Variants in GNG11 observed in about 807,000 individuals in gnomAD.
GNG11 encodes the protein G protein subunit gamma 11.
GNG11 carries 6 observed loss-of-function variants against 7.4 expected under a neutral mutation model. The observed-to-expected ratio is 0.81, with a 90% CI of 0.44 to 1.60. The LOEUF is 1.60. GNG11 is among the 40% of genes most tolerant of loss of function. The pLI, the probability that GNG11 is intolerant of heterozygous loss-of-function variation, is 0.01. For synonymous variants in GNG11, 31 were observed against 25.9 expected, an observed-to-expected ratio of 1.20 and a Z score of -0.60; for missense variants, 65 against 83.0, an observed-to-expected ratio of 0.78 and a Z score of 0.84.
intron 1 of GNG11, among the ~76,000 whole-genome samples, chr7:93,924,315 GA>G (rs1794649092): frequency 6.6e-6 from 1 of 152,182 alleles, no homozygotes; most frequent in Non-Finnish European, 1.5e-5. Context: ...GACCTCTTCT[GA>G]AACCTAATGA....
intron 1 of GNG11, among the ~76,000 whole-genome samples, chr7:93,924,430 A>G (rs928801864): frequency 6.6e-6 from 1 of 152,214 alleles, no homozygotes; most frequent in African/African-American, 2.4e-5. Context: ...TATCAACTCT[A>G]AAAATTCACT....
chr7:93,923,070 C>CTAGGAAAGGTCTTTGAATAGA (rs1794635947), intron 1 of GNG11, among the ~76,000 whole-genome samples: 1 of 152,132 alleles, frequency 6.6e-6, no homozygotes. Flanking sequence ...ATCCTGTAGA[C>CTAGGAAAGGTCTTTGAATAGA]TAGGAAAGGT....
intron 1 of GNG11, among the ~76,000 whole-genome samples, chr7:93,925,801 A>G (rs1470406691): frequency 6.6e-6 from 1 of 152,178 alleles, no homozygotes; most frequent in Non-Finnish European, 1.5e-5. Context: ...TATTTAATGC[A>G]GTGACTTTCA....
Position 93,921,991 on chromosome 7 carries a change from A to G in GNG11, c.-147A>G. ...CCCGGAGAAAGCCAAGCCCTCGGGG[A>G]GCTGGGGACCGCAGCAGGGCTGCAG... On this transcript the variant is annotated 5_prime_UTR_variant, in exon 1 of 2. Coordinates refer to ENST00000248564, the MANE Select transcript of GNG11 (RefSeq NM_004126.4). The G allele has an allele frequency of 2.0e-6, 1 of 489,326 alleles. No individual in the cohort carries two copies. 30.3% of individuals were successfully genotyped at this position (489,326 alleles called of 1,614,324 possible).
In GNG11 at chr7:93,926,564, AT is replaced by A. The variant is rs1410846862; in HGVS notation, c.*351del. 6.3e-6 allele frequency: 1 copy of A among 157,740 alleles called. No individual in the cohort carries two copies. Among genetic ancestry groups the A allele is most frequent in the Non-Finnish European group, 1.4e-5 (1 of 71,910 alleles). 9.8% of individuals were successfully genotyped at this position (157,740 alleles called of 1,614,324 possible). The stretch of plus-strand genomic sequence containing the variant: ...ACACTTTTCATGCATTAACTTTTAT[AT>A]TTCTCCCCGTAATCTTTTGGGTGTG... On this transcript the variant is annotated 3_prime_UTR_variant, in exon 2 of 2. Transcript: ENST00000248564.
chr7:93,926,080 C>A lies in GNG11; in HGVS notation c.97-11C>A, dbSNP rs776819422. On this transcript the variant is annotated splice_polypyrimidine_tract_variant and intron_variant, in intron 1 of 1. Transcript: ENST00000248564. ...TAACCTAATGTATTCTCTTTTTTTT[C>A]TATACTTAAGGTGTCTAAATGTTCT... 1 of 1,457,254 alleles carries A rather than the reference C, an allele frequency of 6.9e-7. No homozygotes were observed. Among genetic ancestry groups the A allele is most frequent in the South Asian group, 1.4e-5 (1 of 72,184 alleles). 90.3% of individuals were successfully genotyped at this position (1,457,254 alleles called of 1,614,324 possible). A position where few individuals can be genotyped will look rare whatever the true frequency, so the allele number is the denominator to read the frequency against.
chr7:93,924,570 G>A (rs1363852607), intron 1 of GNG11, among the ~76,000 whole-genome samples: 1 of 152,198 alleles, frequency 6.6e-6, no homozygotes, highest in Non-Finnish European at 1.5e-5. Flanking sequence ...TTTGAGGTCA[G>A]AGGCTTCCAC....
Position 93,922,142 on chromosome 7 carries a change from C to A in GNG11, c.5C>A (p.Pro2His). M[P>H]ALHIEDLPEK... is the part of the protein sequence containing the mutation. Reference sequence around the variant, plus strand: ...GAGCCCGGTTCTGGGGCGAAAATGCCTGCCCTTCACATCGAAGATTTGCCA... The same window carrying A: ...GAGCCCGGTTCTGGGGCGAAAATGCATGCCCTTCACATCGAAGATTTGCCA... The change falls in exon 1 of 2, where the codon CCT (proline) becomes CAT (histidine). Residue 2 changes from proline to histidine, a missense_variant. Coordinates refer to ENST00000248564, the MANE Select transcript of GNG11 (RefSeq NM_004126.4). The A allele has an allele frequency of 6.3e-7, 1 of 1,590,362 alleles. No individual in the cohort carries two copies. Among genetic ancestry groups the A allele is most frequent in the Non-Finnish European group, 8.6e-7 (1 of 1,163,466 alleles).
Position 93,923,366 on chromosome 7 carries a change from T to G in GNG11, c.96+1133T>G, listed in dbSNP as rs149530057. ...CCTTTCACATCCAAATCCCGGCTCT[T>G]CCTAGCTTTTATAATGAGCTGTCCC... On this transcript the variant is annotated intron_variant, in intron 1 of 1. Transcript: ENST00000248564. Among the ~76,000 whole-genome samples the G allele has an allele frequency of 7.3e-3, 1,112 of 152,290 alleles. 9 individuals carry two copies. The highest frequency in any genetic ancestry group is 0.011 in the Non-Finnish European group (751 of 68,024).
At position 93,927,127 on chromosome 7, in the gene GNG11, A is replaced by G. The variant is rs1246850895; in HGVS notation, c.*911A>G. The stretch of plus-strand genomic sequence containing the variant: ...CCTTTTTTTCTTCTCCTCCAAAGGA[A>G]CCAGTGAATCTTTGCCCACTTTAAA... On this transcript the variant is annotated 3_prime_UTR_variant, in exon 2 of 2. Transcript: ENST00000248564. 1 of 152,238 alleles carries G rather than the reference A, an allele frequency of 6.6e-6. No individual in the cohort carries two copies. Among genetic ancestry groups the G allele is most frequent in the East Asian group, 1.9e-4 (1 of 5,194 alleles). The allele number at this position is 152,238 out of a possible 1,614,324, so 9.4% of individuals were successfully genotyped here.
At chr7:93,923,960 C>T (rs1220779443) in intron 1 of GNG11, among the ~76,000 whole-genome samples, 1 of 152,102 alleles carries the variant, frequency 6.6e-6, no homozygotes, top group Non-Finnish European at 1.5e-5. Flanking sequence ...TGGAATTATA[C>T]ATTATTATTG....
chr7:93,922,215 G>C lies in GNG11; in HGVS notation c.78G>C (p.Val26=), dbSNP rs769498414. Reference sequence around the variant, plus strand: ...AAGTTGAGCAGCTTCGCAAAGAAGTGAAGTTGCAGAGACAACAAGTAAGTT... The same window carrying C: ...AAGTTGAGCAGCTTCGCAAAGAAGTCAAGTTGCAGAGACAACAAGTAAGTT... ...KMEVEQLRKE[V]KLQRQQVSKC... The change falls in exon 1 of 2, where the codon GTG becomes GTC. Residue 26 remains valine, a synonymous_variant. Transcript: ENST00000248564. 3.8e-6 allele frequency: 6 copies of C among 1,585,036 alleles called. No homozygotes were observed. The South Asian group carries it at 6.8e-5, about 18-fold the overall frequency.
At chr7:93,923,190 T>C (rs1794637644) in intron 1 of GNG11, among the ~76,000 whole-genome samples, 1 of 152,222 alleles carries the variant, frequency 6.6e-6, no homozygotes, top group Non-Finnish European at 1.5e-5. Flanking sequence ...AGAAAAACAA[T>C]GGAAATGAAG....
rs1458946687 is a variant in GNG11 at position 93,927,518 on chromosome 7, T to G, written c.*1302T>G. The G allele has an allele frequency of 2.6e-5, 4 of 152,214 alleles. No homozygotes were observed. Among genetic ancestry groups the G allele is most frequent in the African/African-American group, 9.6e-5 (4 of 41,456 alleles). 9.4% of individuals were successfully genotyped at this position (152,214 alleles called of 1,614,324 possible). ...GCTCAAATGGACTTAGTCATTAACT[T>G]GACCTGCAATTTTCAATGTGGCACC... On this transcript the variant is annotated 3_prime_UTR_variant, in exon 2 of 2. Transcript: ENST00000248564.
At chr7:93,923,695 A>G (rs1418184565) in intron 1 of GNG11, among the ~76,000 whole-genome samples, 3 of 152,066 alleles carry the variant, frequency 2.0e-5, no homozygotes, top group Admixed American at 6.6e-5. Context: ...AGCGTCTTCT[A>G]CTTACTCAGA....
In GNG11 at chr7:93,927,544, A is replaced by G. The variant is rs1288168092; in HGVS notation, c.*1328A>G. The G allele has an allele frequency of 6.6e-6, 1 of 152,252 alleles. No homozygotes were observed. The highest frequency in any genetic ancestry group is 1.5e-5 in the Non-Finnish European group (1 of 68,068). The allele number at this position is 152,252 out of a possible 1,614,324, so 9.4% of individuals were successfully genotyped here. ...GACCTGCAATTTTCAATGTGGCACC[A>G]GAAGCCAATGTTTCTCCTTGACTAG... On this transcript the variant is annotated 3_prime_UTR_variant, in exon 2 of 2. Transcript: ENST00000248564.
At chr7:93,923,413 T>TA (rs1794640293) in intron 1 of GNG11, among the ~76,000 whole-genome samples, 1 of 152,170 alleles carries the variant, frequency 6.6e-6, no homozygotes, top group African/African-American at 2.4e-5. Flanking sequence ...TAAGGGTTTG[T>TA]AGCTTTAAAA....
rs1440613732 is a variant in GNG11, at chr7:93,926,141, A to G, written c.147A>G (p.Gly49=). The G allele has an allele frequency of 6.3e-7, 1 of 1,577,800 alleles. No individual in the cohort carries two copies. Among genetic ancestry groups the G allele is most frequent in the Admixed American group, 1.7e-5 (1 of 58,510 alleles). Residue 49 remains glycine (G), a synonymous_variant, in exon 2 of 2, where the codon GGA becomes GGG. Coordinates refer to ENST00000248564, the MANE Select transcript of GNG11 (RefSeq NM_004126.4). Reference sequence around the variant, plus strand: ...AGAACTATATTGAAGAACGTTCTGGAGAGGATCCTCTAGTAAAGGGAATTC... The same window carrying G: ...AGAACTATATTGAAGAACGTTCTGGGGAGGATCCTCTAGTAAAGGGAATTC... ...EIKNYIEERS[G]EDPLVKGIPE...
intron 1 of GNG11, among the ~76,000 whole-genome samples, chr7:93,922,507 TTTCCA>T (rs1368696581): frequency 1.3e-5 from 2 of 152,166 alleles, no homozygotes; most frequent in Non-Finnish European, 2.9e-5. Context: ...GAAATCTTGC[TTTCCA>T]TTAGACAGCT....
Sources: allele counts gnomAD v4.1 joint callset (sites outside exome capture counted in the v4.1 genomes callset), GRCh38; gene constraint gnomAD v4.1.1; transcripts MANE v1.5; gene names NCBI Gene and HGNC (gene_info 2026-07-23, HGNC 2026-07-21).